ELAPOR2: variants seen among roughly 807,000 people sequenced by gnomAD.
ELAPOR2 encodes endosome/lysosome-associated apoptosis and autophagy regulator family member 2.
In ELAPOR2, 89 loss-of-function variants were observed where a neutral mutation model predicts 120.7. That is an observed-to-expected ratio of 0.74 (90% CI 0.62 to 0.88). The LOEUF is 0.88. ELAPOR2 is among the 40% of genes least tolerant of loss of function. The pLI is 0.00. For synonymous variants in ELAPOR2, 444 were observed against 444.9 expected, an observed-to-expected ratio of 1.00 and a Z score of 0.03; for missense variants, 1,134 against 1,251.6, an observed-to-expected ratio of 0.91 and a Z score of 1.42.
chr7:87,058,574 C>G (rs1420956017), intron 1 of ELAPOR2, among the ~76,000 whole-genome samples: 1 of 152,164 alleles, frequency 6.6e-6, no homozygotes, highest in Admixed American at 6.5e-5. Context: ...ATAAAAATCT[C>G]ATCTCCCATA....
chr7:86,913,854 G>A (rs999835188), intron 13 of ELAPOR2, among the ~76,000 whole-genome samples: 15 of 152,212 alleles, frequency 9.9e-5, no homozygotes, highest in Non-Finnish European at 2.2e-4. Context: ...AGCAGTTGGC[G>A]TCACTCTATC....
intron 20 of ELAPOR2, 43 bp downstream of exon 20, chr7:86,892,879 T>C (rs761369732): frequency 1.4e-6 from 2 of 1,406,040 alleles, no homozygotes; most frequent in Non-Finnish European, 9.3e-7. Context: ...CACAACAAAA[T>C]AGGCCCTCTA....
intron 1 of ELAPOR2, among the ~76,000 whole-genome samples, chr7:87,058,665 G>C (rs970702957): frequency 6.6e-6 from 1 of 152,126 alleles, no homozygotes; most frequent in African/African-American, 2.4e-5. Flanking sequence ...AGGTGATAAA[G>C]CACCTCCCAA....
At chr7:87,002,026 A>T (rs563066485) in intron 1 of ELAPOR2, among the ~76,000 whole-genome samples, 1 of 152,254 alleles carries the variant, frequency 6.6e-6, no homozygotes, top group Non-Finnish European at 1.5e-5. Flanking sequence ...TGTGTCAGGT[A>T]TGGCTGCAGA....
intron 1 of ELAPOR2, among the ~76,000 whole-genome samples, chr7:87,039,125 C>T (rs892458444): frequency 3.3e-5 from 5 of 152,052 alleles, no homozygotes; most frequent in African/African-American, 4.8e-5. Flanking sequence ...TTAGAGGCTA[C>T]TATGAGTAAC....
chr7:86,964,789 G>T, intron 2 of ELAPOR2, 115 bp downstream of exon 2: 1 of 1,067,282 alleles, frequency 9.4e-7, no homozygotes, highest in Non-Finnish European at 1.3e-6. Flanking sequence ...GGTTATCAAT[G>T]CCATATGCTC....
At chr7:87,036,312 A>AAAT (rs1204462711) in intron 1 of ELAPOR2, among the ~76,000 whole-genome samples, 3 of 151,842 alleles carry the variant, frequency 2.0e-5, no homozygotes, top group Non-Finnish European at 2.9e-5. Flanking sequence ...TGTCTATACA[A>AAAT]AATAATAATA....
chr7:86,972,331 C>A (rs1393378065), intron 1 of ELAPOR2, among the ~76,000 whole-genome samples: 1 of 152,130 alleles, frequency 6.6e-6, no homozygotes, highest in Admixed American at 6.6e-5. Context: ...GGAACCCGGG[C>A]AGTGAGTTTT....
chr7:86,884,161 CT>C (rs1214333211), intron 21 of ELAPOR2, among the ~76,000 whole-genome samples: 1 of 152,102 alleles, frequency 6.6e-6, no homozygotes, highest in Non-Finnish European at 1.5e-5. Flanking sequence ...ACTAAAATTG[CT>C]ATTCAAAACA....
chr7:86,882,215 T>A (rs1221090660), intron 21 of ELAPOR2, among the ~76,000 whole-genome samples: 1 of 152,156 alleles, frequency 6.6e-6, no homozygotes, highest in African/African-American at 2.4e-5. Flanking sequence ...AAGCACCGTC[T>A]CTGTTGCAGG....
In ELAPOR2 at chr7:86,949,054, C is replaced by T. The variant is rs138719872; in HGVS notation, c.311-1132G>A. Among the ~76,000 whole-genome samples, 215 of 152,274 alleles carry T rather than the reference C, an allele frequency of 1.4e-3. 3 individuals carry two copies. The highest frequency in any genetic ancestry group is 3.9e-3 in the Admixed American group (59 of 15,298). On this transcript the variant is annotated intron_variant, in intron 2 of 21. Coordinates refer to ENST00000450689, the MANE Select transcript of ELAPOR2 (RefSeq NM_001142749.3). ...CTAATTAAAGAATTAGAGCTAAAAT[C>T]CACACACATCTACTTATTCGCTGAA...
intron 1 of ELAPOR2, among the ~76,000 whole-genome samples, chr7:86,966,923 G>A (rs893793669): frequency 1.3e-4 from 20 of 151,978 alleles, no homozygotes; most frequent in Non-Finnish European, 2.5e-4. Context: ...TAGCATTTAG[G>A]GCCCATCCCA....
intron 1 of ELAPOR2, among the ~76,000 whole-genome samples, chr7:86,965,480 G>A (rs979254020): frequency 5.3e-5 from 8 of 152,186 alleles, no homozygotes; most frequent in Admixed American, 3.3e-4. Flanking sequence ...AACAGAAGGT[G>A]TAAAAATTAA....
intron 18 of ELAPOR2, among the ~76,000 whole-genome samples, chr7:86,899,527 A>C (rs1788618269): frequency 6.6e-6 from 1 of 152,164 alleles, no homozygotes; most frequent in African/African-American, 2.4e-5. Context: ...ATACCTTTCC[A>C]GTGATACATG....
intron 1 of ELAPOR2, among the ~76,000 whole-genome samples, chr7:87,055,330 CTAAAGCA>C (rs1795228473): frequency 6.6e-6 from 1 of 152,208 alleles, no homozygotes; most frequent in Non-Finnish European, 1.5e-5. Flanking sequence ...CCAATTCTAT[CTAAAGCA>C]TACTACTCCT....
intron 2 of ELAPOR2, among the ~76,000 whole-genome samples, chr7:86,954,347 T>C (rs978321349): frequency 1.3e-5 from 2 of 152,188 alleles, no homozygotes; most frequent in Non-Finnish European, 2.9e-5. Flanking sequence ...TTTTTAATCA[T>C]TGTACCACAA....
chr7:86,912,259 T>C lies in ELAPOR2; in HGVS notation c.1996-14A>G, dbSNP rs768550825. On this transcript the variant is annotated splice_polypyrimidine_tract_variant and intron_variant, in intron 14 of 21. Transcript: ENST00000450689. Reference sequence around the variant, plus strand: ...AACCGAATGGTCCTTTGATTAAAGATAAAGAAACAATATAGCAGGAAAGAA... The same window carrying C: ...AACCGAATGGTCCTTTGATTAAAGACAAAGAAACAATATAGCAGGAAAGAA... 1.9e-6 allele frequency: 3 copies of C among 1,556,904 alleles called. No individual in the cohort carries two copies. Among genetic ancestry groups the C allele is most frequent in the East Asian group, 2.3e-5 (1 of 43,836 alleles).
rs752236720 is a variant in ELAPOR2, at chr7:86,918,520, G to A, written c.1515C>T (p.Ala505=). The change falls in exon 12 of 22, where the codon GCC becomes GCT. Residue 505 remains alanine, a synonymous_variant. Coordinates refer to ENST00000450689, the MANE Select transcript of ELAPOR2 (RefSeq NM_001142749.3). ...TTATTCTTCCTAGTTCAGAACCCGT[G>A]GCTCCAGTCATAGATGTTGGTGGTC... ...GFKPPTSMTG[A]TGSELGRITF... 1 of 1,611,968 alleles carries A rather than the reference G, an allele frequency of 6.2e-7. No homozygotes were observed. The highest frequency in any genetic ancestry group is 1.7e-5 in the Admixed American group (1 of 59,972).
chr7:86,890,861 G>A (rs1440567597), intron 21 of ELAPOR2, among the ~76,000 whole-genome samples: 1 of 151,988 alleles, frequency 6.6e-6, no homozygotes, highest in Non-Finnish European at 1.5e-5. Flanking sequence ...TAAATTAGGA[G>A]AGTACAAGGA....
Sources: gnomAD v4.1 joint callset for allele counts (sites outside exome capture counted in the v4.1 genomes callset) on GRCh38, gnomAD v4.1.1 for gene constraint, MANE v1.5 for transcripts, NCBI Gene and HGNC (gene_info 2026-07-23, HGNC 2026-07-21) for gene names.